The following EDA2R variants were observed in gnomAD, a reference collection of about 807,000 sequenced individuals.
EDA2R encodes ectodysplasin A2 receptor, also known as tumor necrosis factor receptor superfamily member 27.
EDA2R carries 26 observed loss-of-function variants against 20.1 expected under a neutral mutation model. The observed-to-expected ratio is 1.30, with a 90% CI of 0.95 to 1.80. EDA2R has a LOEUF of 1.80. EDA2R is among the 40% of genes most tolerant of loss of function. The pLI, the probability that EDA2R is intolerant of heterozygous loss-of-function variation, is 0.00. For synonymous variants in EDA2R, 114 were observed against 88.7 expected (o/e 1.29, Z -1.60); for missense variants, 277 against 228.7 (o/e 1.21, Z -1.36).
rs2030656484 is a variant in EDA2R at position 66,596,380 on chromosome X, A to C, written c.*1724T>G. The stretch of plus-strand genomic sequence containing the variant: ...CTTTACCCGAAATACTTTAAAATGC[A>C]AAGCCAATTGCCACCTCCAATTGCT... On this transcript the variant is annotated 3_prime_UTR_variant, in exon 7 of 7. Transcript: ENST00000374719. 2 of 111,813 alleles carry C rather than the reference A, an allele frequency of 1.8e-5. No individual in the cohort carries two copies. The allele number at this position is 111,813 out of a possible 1,213,427, so 9.2% of individuals were successfully genotyped here. A position where few individuals can be genotyped will look rare whatever the true frequency, so the allele number is the denominator to read the frequency against.
chrX:66,630,711 T>A (rs886434843), intron 1 of EDA2R, among the ~76,000 whole-genome samples: 1 of 109,810 alleles, frequency 9.1e-6, no homozygotes, highest in Non-Finnish European at 1.9e-5. Context: ...GGTGTGGATG[T>A]CGTGAACAGG....
chrX:66,614,197 T>C (rs778039308), intron 2 of EDA2R, among the ~76,000 whole-genome samples: 15 of 111,613 alleles, frequency 1.3e-4, no homozygotes, highest in African/African-American at 2.3e-4. Context: ...ACTTTGACTA[T>C]TGTATGGAGA....
chrX:66,630,974 C>T (rs1366873101), intron 1 of EDA2R, among the ~76,000 whole-genome samples: 4 of 108,723 alleles, frequency 3.7e-5, no homozygotes, highest in African/African-American at 1.0e-4. Context: ...CATATATACA[C>T]GTATGTGTGT....
chrX:66,610,272 AACACACACACACACACACAC>A (rs10657734), intron 2 of EDA2R, among the ~76,000 whole-genome samples: 3 of 87,472 alleles, frequency 3.4e-5, no homozygotes, highest in African/African-American at 1.3e-4. Flanking sequence ...CAGATACACA[AACACACACACACACACACAC>A]ACACACACAC....
At chrX:66,604,642 CCT>C in intron 3 of EDA2R, 136 bp from the exon 4 acceptor site, 2 of 522,601 alleles carry the variant, frequency 3.8e-6, no homozygotes, top group Non-Finnish European at 6.2e-6. Flanking sequence ...GAGTTATCTG[CCT>C]CTGTGTCTTT....
chrX:66,599,251 AC>A (rs1208611669), intron 6 of EDA2R, among the ~76,000 whole-genome samples: 2 of 111,139 alleles, frequency 1.8e-5, no homozygotes, highest in African/African-American at 6.5e-5. Flanking sequence ...TATCATGACA[AC>A]CTTGCCAGTT....
At chrX:66,604,348 T>A in intron 4 of EDA2R, 73 bp downstream of exon 4, 2 of 943,145 alleles carry the variant, frequency 2.1e-6, no homozygotes, top group Non-Finnish European at 1.5e-6. Flanking sequence ...GGGATATGGG[T>A]AGTCTTTACT....
intron 1 of EDA2R, among the ~76,000 whole-genome samples, chrX:66,624,641 C>T (rs756427074): frequency 8.9e-5 from 10 of 111,799 alleles, no homozygotes; most frequent in East Asian, 2.8e-4. Flanking sequence ...TCATGGCAGA[C>T]GGGAGGCAGG....
chrX:66,620,261 G>C (rs769994080), intron 1 of EDA2R, among the ~76,000 whole-genome samples: 1 of 111,755 alleles, frequency 8.9e-6, no homozygotes, highest in Non-Finnish European at 1.9e-5. Context: ...ACATTGGACT[G>C]CTTTTAATTT....
chrX:66,632,338 C>T (rs1314080115), intron 1 of EDA2R, among the ~76,000 whole-genome samples: 5 of 110,819 alleles, frequency 4.5e-5, no homozygotes, highest in African/African-American at 1.3e-4. Flanking sequence ...GCAGGAGAAT[C>T]GCTTGAACCC....
intron 2 of EDA2R, among the ~76,000 whole-genome samples, chrX:66,607,365 C>CA (rs112839500): frequency 1.1e-3 from 122 of 111,850 alleles, no homozygotes; most frequent in African/African-American, 3.7e-3. Context: ...CGATACATGA[C>CA]AAAAAATAGT....
At chrX:66,632,603 G>A (rs766973854) in intron 1 of EDA2R, among the ~76,000 whole-genome samples, 1 of 101,752 alleles carries the variant, frequency 9.8e-6, no homozygotes, top group Admixed American at 1.0e-4. Context: ...GGGGAAGCCA[G>A]AGAAGAAAAA....
chrX:66,633,175 CA>C (rs1201719773), intron 1 of EDA2R, among the ~76,000 whole-genome samples: 94 of 112,242 alleles, frequency 8.4e-4, no homozygotes, highest in Non-Finnish European at 1.0e-3. Context: ...GTTTTGCCTT[CA>C]AAACATGCGT....
chrX:66,624,666 C>T (rs899729035), intron 1 of EDA2R, among the ~76,000 whole-genome samples: 9 of 111,618 alleles, frequency 8.1e-5, no homozygotes, highest in Non-Finnish European at 1.5e-4. Flanking sequence ...GATTGCAATT[C>T]CAACTCAGAT....
At chrX:66,636,125 T>G (rs894126379) in intron 1 of EDA2R, among the ~76,000 whole-genome samples, 15 of 111,498 alleles carry the variant, frequency 1.3e-4, no homozygotes, top group Non-Finnish European at 2.1e-4. Flanking sequence ...AATCTTGAAC[T>G]CCTGGGCTCA....
At chrX:66,603,306 C>T (rs5965277) in intron 4 of EDA2R, among the ~76,000 whole-genome samples, 8,791 of 111,898 alleles carry the variant, frequency 0.079, 847 homozygotes, top group African/African-American at 0.27. Flanking sequence ...AATATGCACA[C>T]ATATCACAAA....
chrX:66,605,096 A>G lies in EDA2R; in HGVS notation c.218T>C (p.Val73Ala). The change falls in exon 3 of 7, where the codon GTC becomes GCC. Residue 73 changes from valine (V) to alanine (A), a missense_variant. Transcript: ENST00000374719. Reference sequence around the variant, plus strand: ...AGCATTAGAGGTAGCTGTGCAGTTGACCTTCTGAACACGATTGATGACAGC... The same window carrying G: ...AGCATTAGAGGTAGCTGTGCAGTTGGCCTTCTGAACACGATTGATGACAGC... ...TCAVINRVQK[V>A]NCTATSNAVC... 1 of 1,208,967 alleles carries G rather than the reference A, an allele frequency of 8.3e-7. No homozygotes were observed. Among genetic ancestry groups the G allele is most frequent in the Non-Finnish European group, 1.1e-6 (1 of 894,218 alleles).
At chrX:66,602,542 C>T in intron 5 of EDA2R, 91 bp downstream of exon 5, 3 of 973,152 alleles carry the variant, frequency 3.1e-6, no homozygotes. Context: ...GTAGAAAAGG[C>T]CCATTGTCTC....
In EDA2R at chrX:66,629,617, T is replaced by C. The variant is rs1226858551; in HGVS notation, c.-11+9378A>G. Among the ~76,000 whole-genome samples, 3 of 111,229 alleles carry C rather than the reference T, an allele frequency of 2.7e-5. No homozygotes were observed. The East Asian group carries it at 8.4e-4, about 31-fold the overall frequency. ...CAGTTGCAAAAAATAATTAAATACT[T>C]AGGAATATATCTAACCATGGACGCA... is the stretch of plus-strand genomic sequence containing the variant. On this transcript the variant is annotated intron_variant, in intron 1 of 6. Transcript: ENST00000374719.
Sources: gnomAD v4.1 joint callset for allele counts (sites outside exome capture counted in the v4.1 genomes callset) on GRCh38, gnomAD v4.1.1 for gene constraint, MANE v1.5 for transcripts, NCBI Gene and HGNC (gene_info 2026-07-23, HGNC 2026-07-21) for gene names.